Variants in AKAP3 observed in about 807,000 individuals in gnomAD.
AKAP3 encodes A-kinase anchoring protein 3, also known as A-kinase anchor protein 3.
A neutral mutation model predicts 57.2 loss-of-function variants in AKAP3; 27 were observed. The ratio of observed to expected loss-of-function variants is 0.47; its 90% CI spans 0.35 to 0.65. AKAP3 has a LOEUF of 0.65. Among genes scored for constraint, AKAP3 ranks in the 30% least tolerant of loss-of-function variants. The pLI, the probability that AKAP3 is intolerant of heterozygous loss-of-function variation, is 0.01. For synonymous variants in AKAP3, 334 were observed against 392.3 expected (o/e 0.85, Z 1.76); for missense variants, 959 against 1,040.0 (o/e 0.92, Z 1.07).
chr12:4,627,008 G>T lies in AKAP3; in HGVS notation c.1894C>A (p.Pro632Thr). 6.2e-7 allele frequency: 1 copy of T among 1,614,106 alleles called. No individual in the cohort carries two copies. Among genetic ancestry groups the T allele is most frequent in the East Asian group, 2.2e-5 (1 of 44,892 alleles). Residue 632 changes from proline (P) to threonine (T), a missense_variant, in exon 5 of 6, where the codon CCG becomes ACG. Pro to Thr is a conservative substitution (Grantham distance 38, BLOSUM62 -1). Coordinates refer to ENST00000228850, the MANE Select transcript of AKAP3 (RefSeq NM_001278309.2). ...VKEDRKLCER[P>T]LASSPPRLYE... The stretch of plus-strand genomic sequence containing the variant: ...AGCCTGGGGGGAGAAGACGCCAACG[G>T]TCTTTCACACAACTTCCTATCTTCC...
At position 4,638,132 on chromosome 12, in the gene AKAP3, G is replaced by A. The variant is rs766310352; in HGVS notation, c.65C>T (p.Pro22Leu). ...CCAGTCCTGGGCTTGGTTGTCTCCAGGAGAATAGACATCAACTTTGCATAC... is the reference window on the plus strand; with the variant it reads ...CCAGTCCTGGGCTTGGTTGTCTCCAAGAGAATAGACATCAACTTTGCATAC... The part of the protein sequence containing the change: ...NGVCKVDVYS[P>L]GDNQAQDWKM... Residue 22 changes from proline to leucine, a missense_variant, in exon 4 of 6, where the codon CCT becomes CTT. Pro to Leu is a moderately conservative substitution (Grantham distance 98). Transcript: ENST00000228850. The A allele has an allele frequency of 1.2e-5, 19 of 1,613,808 alleles. No individual in the cohort carries two copies. Among genetic ancestry groups the A allele is most frequent in the African/African-American group, 8.0e-5 (6 of 74,882 alleles).
At chr12:4,642,695 G>A (rs1023953941) in intron 2 of AKAP3, among the ~76,000 whole-genome samples, 2 of 152,106 alleles carry the variant, frequency 1.3e-5, no homozygotes, top group Non-Finnish European at 2.9e-5. Context: ...GTTTCAATGT[G>A]TACATTCTAT....
chr12:4,627,292 T>C lies in AKAP3; in HGVS notation c.1610A>G (p.Tyr537Cys), dbSNP rs767180671. The C allele has an allele frequency of 1.9e-6, 3 of 1,613,992 alleles. No homozygotes were observed. The highest frequency in any genetic ancestry group is 2.5e-6 in the Non-Finnish European group (3 of 1,179,990). ...LIVSALLLIQ[Y>C]HLAQGGRRDA... Reference sequence around the variant, plus strand: ...CCTTCTTCCTCCCTGGGCCAGGTGATATTGAATCAGAAGCAGGGCAGACAC... The same window carrying C: ...CCTTCTTCCTCCCTGGGCCAGGTGACATTGAATCAGAAGCAGGGCAGACAC... The change falls in exon 5 of 6, where the codon TAT becomes TGT. Residue 537 changes from tyrosine (Y) to cysteine (C), a missense_variant. Transcript: ENST00000228850.
rs1945428848 is a variant in AKAP3 at position 4,627,197 on chromosome 12, CG to C, written c.1704del (p.Asp569MetfsTer11). On this transcript the variant is annotated frameshift_variant, in exon 5 of 6. Transcript: ENST00000228850. LOFTEE classifies it high-confidence loss of function. The stretch of plus-strand genomic sequence containing the variant: ...GGAGCAGACTTAAGGCAAGATTCAT[CG>C]GGAGCTACAGGAGGTTCATTGGCAG... Reference protein sequence around the residue: ...NFPANEPPVAPDESCLKSAPI... With the variant: ...NFPANEPPVAXDESCLKSAPI... The C allele has an allele frequency of 6.2e-7, 1 of 1,614,058 alleles. No homozygotes were observed. The highest frequency in any genetic ancestry group is 2.2e-5 in the East Asian group (1 of 44,872).
In AKAP3 at chr12:4,648,967, CCT is replaced by C; in HGVS notation, c.-469_-468del. On this transcript the variant is annotated 5_prime_UTR_variant, in exon 1 of 6. Transcript: ENST00000228850. ...AAGTCTTTTCACTTCCTTTCTTCCC[CCT>C]CTCCTTCACTTTCCCAGCTTTCTTC... is the stretch of plus-strand genomic sequence containing the variant. 1.3e-6 allele frequency: 1 copy of C among 745,144 alleles called. No individual in the cohort carries two copies. The highest frequency in any genetic ancestry group is 2.2e-6 in the Non-Finnish European group (1 of 456,808). The allele number at this position is 745,144 out of a possible 1,614,324, so 46.2% of individuals were successfully genotyped here. A position where few individuals can be genotyped will look rare whatever the true frequency, so the allele number is the denominator to read the frequency against.
intron 1 of AKAP3, among the ~76,000 whole-genome samples, chr12:4,646,808 G>C (rs1945705274): frequency 6.6e-6 from 1 of 151,588 alleles, no homozygotes; most frequent in African/African-American, 2.4e-5. Context: ...TTTTGAGACA[G>C]AGTCTCAACT....
chr12:4,627,207 A>G lies in AKAP3; in HGVS notation c.1695T>C (p.Pro565=). ...TAAGGCAAGATTCATCGGGAGCTACAGGAGGTTCATTGGCAGGAAAGTTGG... is the reference window on the plus strand; with the variant it reads ...TAAGGCAAGATTCATCGGGAGCTACGGGAGGTTCATTGGCAGGAAAGTTGG... The part of the protein sequence containing the change: ...GTTNFPANEP[P]VAPDESCLKS... The change falls in exon 5 of 6, where the codon CCT becomes CCC. Residue 565 remains proline (P), a synonymous_variant. Transcript: ENST00000228850. 1 of 1,614,132 alleles carries G rather than the reference A, an allele frequency of 6.2e-7. No homozygotes were observed. The highest frequency in any genetic ancestry group is 8.5e-7 in the Non-Finnish European group (1 of 1,180,014).
intron 5 of AKAP3, among the ~76,000 whole-genome samples, chr12:4,624,399 C>T (rs10849107): frequency 0.1 from 15,346 of 147,728 alleles, 898 homozygotes; most frequent in South Asian, 0.14. Context: ...TTGATCCAAA[C>T]AATTTTTTTC....
At chr12:4,617,722 A>G (rs1353090784) in intron 5 of AKAP3, among the ~76,000 whole-genome samples, 2 of 149,172 alleles carry the variant, frequency 1.3e-5, no homozygotes, top group Non-Finnish European at 3.0e-5. Context: ...ACTGCACTCC[A>G]GCCTGAGCAA....
At chr12:4,631,439 T>C (rs1447504759) in intron 4 of AKAP3, 8 of 676,870 alleles carry the variant, frequency 1.2e-5, no homozygotes, top group Non-Finnish European at 1.9e-5. Context: ...AAGTTTAGAA[T>C]TGAAGCTATA....
At chr12:4,632,268 C>A (rs550625481) in intron 4 of AKAP3, among the ~76,000 whole-genome samples, 1 of 152,286 alleles carries the variant, frequency 6.6e-6, no homozygotes, top group East Asian at 1.9e-4. Context: ...TTCATCTTCT[C>A]CACTTAGAGA....
At chr12:4,638,361 A>T (rs1227434740) in intron 3 of AKAP3, among the ~76,000 whole-genome samples, 165 bp from the exon 4 acceptor site, 1 of 152,232 alleles carries the variant, frequency 6.6e-6, no homozygotes, top group African/African-American at 2.4e-5. Context: ...GAATAGCTTC[A>T]TCCTCAGCTC....
At chr12:4,636,945 C>T (rs1027116193) in intron 4 of AKAP3, among the ~76,000 whole-genome samples, 2 of 151,824 alleles carry the variant, frequency 1.3e-5, no homozygotes, top group South Asian at 2.1e-4. Flanking sequence ...AGAGTTTTGC[C>T]GTGTTGCCTG....
rs1945407504 is a variant in AKAP3 at position 4,625,992 on chromosome 12, G to C, written c.2406+504C>G. Among the ~76,000 whole-genome samples the C allele has an allele frequency of 6.6e-6, 1 of 152,130 alleles. No individual in the cohort carries two copies. Among genetic ancestry groups the C allele is most frequent in the Non-Finnish European group, 1.5e-5 (1 of 68,026 alleles). ...TACTTGTCAACTGATTCAGAGCTTAGGGTAGGGGGAAGAGGGGTGTTATCC... is the reference window on the plus strand; with the variant it reads ...TACTTGTCAACTGATTCAGAGCTTACGGTAGGGGGAAGAGGGGTGTTATCC... On this transcript the variant is annotated intron_variant, in intron 5 of 5. Transcript: ENST00000228850. The surrounding 1 kb of genome is among the most constrained non-coding windows in gnomAD (Gnocchi z 5.4).
rs1202691292 is a variant in AKAP3, at chr12:4,635,891, T to C, written c.96+2210A>G. The C allele has an allele frequency of 4.3e-6, 3 of 705,034 alleles. No individual in the cohort carries two copies. The South Asian group carries it at 4.6e-5, about 11-fold the overall frequency. The allele number at this position is 705,034 out of a possible 1,614,324, so 43.7% of individuals were successfully genotyped here. ...TTTTCTGGCTAAGAACCACCACTCT[T>C]AGATCTCTCCATTTTTTCTTCACTT... On this transcript the variant is annotated intron_variant, in intron 4 of 5. Coordinates refer to ENST00000228850, the MANE Select transcript of AKAP3 (RefSeq NM_001278309.2).
intron 4 of AKAP3, among the ~76,000 whole-genome samples, chr12:4,633,278 A>G (rs1275753173): frequency 6.6e-6 from 1 of 151,996 alleles, no homozygotes; most frequent in Non-Finnish European, 1.5e-5. Context: ...ATATTTTAAA[A>G]GATAAATAAA....
intron 2 of AKAP3, among the ~76,000 whole-genome samples, chr12:4,643,532 G>A (rs111463047): frequency 1.3e-5 from 2 of 152,226 alleles, no homozygotes; most frequent in African/African-American, 4.8e-5. Flanking sequence ...AATACTCTCA[G>A]CTTATAGATT....
At chr12:4,629,485 G>A (rs1309446145) in intron 4 of AKAP3, among the ~76,000 whole-genome samples, 1 of 152,182 alleles carries the variant, frequency 6.6e-6, no homozygotes, top group Non-Finnish European at 1.5e-5. Context: ...TTGGAGAGTG[G>A]AGGTAGGGAG....
At chr12:4,632,262 T>A (rs565514805) in intron 4 of AKAP3, among the ~76,000 whole-genome samples, 73 of 152,354 alleles carry the variant, frequency 4.8e-4, no homozygotes, top group Non-Finnish European at 8.7e-4. Context: ...AGTCTGTTCA[T>A]CTTCTCCACT....
Sources: gnomAD v4.1 joint callset for allele counts (sites outside exome capture counted in the v4.1 genomes callset) on GRCh38, gnomAD v4.1.1 for gene constraint, Gnocchi (gnomAD v3.1) non-coding constraint, MANE v1.5 for transcripts, NCBI Gene and HGNC (gene_info 2026-07-23, HGNC 2026-07-21) for gene names.